MBOAT1: variants seen among roughly 807,000 people sequenced by gnomAD.
MBOAT1 encodes the protein membrane-bound glycerophospholipid O-acyltransferase 1.
Under a neutral mutation model 64.4 loss-of-function variants are expected in MBOAT1, and 67 were observed. The ratio of observed to expected loss-of-function variants is 1.04; its 90% CI spans 0.85 to 1.27. The LOEUF is 1.27. MBOAT1 is among the 50% of genes most tolerant of loss of function. The pLI is 0.00. For missense variants in MBOAT1, 563 were observed against 604.6 expected, an observed-to-expected ratio of 0.93 and a Z score of 0.72; for synonymous variants, 229 against 218.9, an observed-to-expected ratio of 1.05 and a Z score of -0.41.
At chr6:20,178,969 G>A (rs1049261893) in intron 1 of MBOAT1, among the ~76,000 whole-genome samples, 1 of 151,414 alleles carries the variant, frequency 6.6e-6, no homozygotes, top group Non-Finnish European at 1.5e-5. Flanking sequence ...AGGGATACCT[G>A]TGCAGGATGT....
At chr6:20,107,305 G>C (rs956472162) in intron 12 of MBOAT1, among the ~76,000 whole-genome samples, 2 of 152,132 alleles carry the variant, frequency 1.3e-5, no homozygotes, top group Non-Finnish European at 2.9e-5. Context: ...AGTGCTCGGA[G>C]CTTCGTGCTA....
At chr6:20,132,383 G>A (rs766239607) in intron 4 of MBOAT1, among the ~76,000 whole-genome samples, 2 of 152,190 alleles carry the variant, frequency 1.3e-5, no homozygotes, top group Non-Finnish European at 2.9e-5. Flanking sequence ...GCAGCTGCCT[G>A]TAAATAAACC....
chr6:20,145,719 A>C (rs1447938987), intron 3 of MBOAT1, among the ~76,000 whole-genome samples: 1 of 152,230 alleles, frequency 6.6e-6, no homozygotes, highest in Non-Finnish European at 1.5e-5. Flanking sequence ...CATGTTCCAC[A>C]ATGAAACCCT....
intron 4 of MBOAT1, among the ~76,000 whole-genome samples, chr6:20,135,500 T>C (rs1419448499): frequency 6.6e-6 from 1 of 152,094 alleles, no homozygotes; most frequent in African/African-American, 2.4e-5. Context: ...TTAAACAAAA[T>C]CTTAGATTTG....
chr6:20,102,524 G>C, intron 12 of MBOAT1, 112 bp from the exon 13 acceptor site: 6 of 852,844 alleles, frequency 7.0e-6, no homozygotes, highest in Admixed American at 5.3e-5. Flanking sequence ...TTTGGCAGTA[G>C]GAGGCCTGTC....
intron 4 of MBOAT1, among the ~76,000 whole-genome samples, chr6:20,133,980 A>G (rs550187919): frequency 2.6e-5 from 4 of 152,256 alleles, no homozygotes; most frequent in Admixed American, 2.6e-4. Context: ...ACCCCTCCCT[A>G]CAAACTGTGA....
chr6:20,120,903 A>C (rs1760476065), intron 8 of MBOAT1, among the ~76,000 whole-genome samples: 1 of 151,958 alleles, frequency 6.6e-6, no homozygotes. Context: ...AACAGGCTCT[A>C]AGTTCACCAG....
intron 3 of MBOAT1, among the ~76,000 whole-genome samples, chr6:20,148,737 C>T (rs1761401528): frequency 6.6e-6 from 1 of 152,152 alleles, no homozygotes; most frequent in Non-Finnish European, 1.5e-5. Flanking sequence ...AAAAAATTTA[C>T]ATTGAGTTCA....
intron 1 of MBOAT1, among the ~76,000 whole-genome samples, chr6:20,166,290 G>A (rs1410278060): frequency 1.3e-5 from 2 of 152,116 alleles, no homozygotes; most frequent in Non-Finnish European, 2.9e-5. Flanking sequence ...AGTATGGCAG[G>A]TGTGGTGAAC....
chr6:20,112,257 T>C (rs1049506775), intron 11 of MBOAT1, among the ~76,000 whole-genome samples: 2 of 152,080 alleles, frequency 1.3e-5, no homozygotes, highest in African/African-American at 4.8e-5. Context: ...TTTTATTCTT[T>C]ATTATCCTGC....
intron 3 of MBOAT1, 31 bp from the exon 4 acceptor site, chr6:20,144,346 T>C (rs1761266903): frequency 1.5e-6 from 2 of 1,352,800 alleles, no homozygotes; most frequent in Non-Finnish European, 2.1e-6. Flanking sequence ...GATCAGATTA[T>C]TATGCATAGC....
intron 1 of MBOAT1, among the ~76,000 whole-genome samples, chr6:20,202,411 G>A (rs1313162805): frequency 6.6e-6 from 1 of 152,060 alleles, no homozygotes; most frequent in African/African-American, 2.4e-5. Context: ...TAGTTTGCTG[G>A]AAATCCCCAG....
chr6:20,169,695 G>C (rs547258772), intron 1 of MBOAT1, among the ~76,000 whole-genome samples: 7 of 151,974 alleles, frequency 4.6e-5, no homozygotes, highest in Non-Finnish European at 1.0e-4. Flanking sequence ...CGGGAAACAA[G>C]TTACCAATTA....
At chr6:20,172,505 C>A (rs1374041918) in intron 1 of MBOAT1, among the ~76,000 whole-genome samples, 3 of 152,166 alleles carry the variant, frequency 2.0e-5, no homozygotes, top group Non-Finnish European at 4.4e-5. Flanking sequence ...TCTACACCCT[C>A]CAAATCACAG....
chr6:20,185,256 T>C (rs1762619271), intron 1 of MBOAT1, among the ~76,000 whole-genome samples: 1 of 151,986 alleles, frequency 6.6e-6, no homozygotes, highest in Admixed American at 6.6e-5. Flanking sequence ...ACCCTGACAA[T>C]CAATCAATCA....
chr6:20,119,233 C>T (rs1159953976), intron 8 of MBOAT1, among the ~76,000 whole-genome samples: 2 of 152,150 alleles, frequency 1.3e-5, no homozygotes, highest in Admixed American at 1.3e-4. Context: ...CCCATAAAGT[C>T]CCTTTAAAAG....
chr6:20,157,926 C>T (rs564919472), intron 1 of MBOAT1, among the ~76,000 whole-genome samples: 3 of 152,100 alleles, frequency 2.0e-5, no homozygotes, highest in South Asian at 2.1e-4. Flanking sequence ...GAGGCCAAGG[C>T]GCGCGGATCA....
chr6:20,127,311 G>A (rs1760683779), intron 6 of MBOAT1, among the ~76,000 whole-genome samples: 1 of 152,162 alleles, frequency 6.6e-6, no homozygotes, highest in Admixed American at 6.5e-5. Flanking sequence ...TGGAAGGCCT[G>A]TTCTAGCAAG....
intron 8 of MBOAT1, among the ~76,000 whole-genome samples, chr6:20,120,874 G>T (rs1561750102): frequency 6.6e-6 from 1 of 152,130 alleles, no homozygotes; most frequent in Non-Finnish European, 1.5e-5. Flanking sequence ...TCCAAGCCTG[G>T]TTTTTGTCTC....
Sources: gnomAD v4.1 joint callset for allele counts (sites outside exome capture counted in the v4.1 genomes callset) on GRCh38, gnomAD v4.1.1 for gene constraint, MANE v1.5 for transcripts, NCBI Gene and HGNC (gene_info 2026-07-23, HGNC 2026-07-21) for gene names.